Variants in DENND1A observed in about 807,000 individuals in gnomAD.
DENND1A encodes the protein DENN domain-containing protein 1A.
A neutral mutation model predicts 113.7 loss-of-function variants in DENND1A; 51 were observed. The ratio of observed to expected loss-of-function variants is 0.45; its 90% CI spans 0.36 to 0.57. The LOEUF (loss-of-function observed/expected upper bound fraction) is 0.57. DENND1A is among the 20% of genes least tolerant of loss of function. The probability of loss-of-function intolerance (pLI) is 0.00; values close to 1 mark genes in which losing one functional copy is unlikely to be tolerated. For missense variants in DENND1A, 1,258 were observed against 1,395.9 expected (o/e 0.90, Z 1.57); for synonymous variants, 565 against 570.8 (o/e 0.99, Z 0.14).
At chr9:123,383,603 T>A (rs773193510) in intron 23 of DENND1A, 52 bp downstream of exon 23, 39 of 1,578,000 alleles carry the variant, frequency 2.5e-5, no homozygotes, top group Non-Finnish European at 3.2e-5. Flanking sequence ...TCCCACCTCG[T>A]GTGCGGACAG....
At chr9:123,471,720 G>T (rs1458170018) in intron 13 of DENND1A, among the ~76,000 whole-genome samples, 2 of 152,322 alleles carry the variant, frequency 1.3e-5, no homozygotes, top group Admixed American at 1.3e-4. Context: ...CAAGGCCACA[G>T]AGCTGAAGAA....
chr9:123,595,969 A>G (rs963209445), intron 11 of DENND1A, among the ~76,000 whole-genome samples: 11 of 152,112 alleles, frequency 7.2e-5, no homozygotes, highest in African/African-American at 2.7e-4. Context: ...TTTTGTCTCA[A>G]ACTGAAGCAG....
chr9:123,421,453 C>A (rs1038372299), intron 19 of DENND1A, among the ~76,000 whole-genome samples: 2 of 152,106 alleles, frequency 1.3e-5, no homozygotes, highest in Non-Finnish European at 2.9e-5. Flanking sequence ...CGTATCTCCT[C>A]GGGTCCGCTC....
chr9:123,880,750 G>A (rs1387749197), intron 1 of DENND1A, among the ~76,000 whole-genome samples: 1 of 152,088 alleles, frequency 6.6e-6, no homozygotes, highest in African/African-American at 2.4e-5. Flanking sequence ...ACATGGCCAG[G>A]ACCAGAACTC....
chr9:123,898,959 A>G (rs1020067905), intron 1 of DENND1A, among the ~76,000 whole-genome samples: 13 of 152,218 alleles, frequency 8.5e-5, no homozygotes, highest in African/African-American at 1.4e-4. Context: ...ACCCACCATT[A>G]AACCAAATCA....
chr9:123,918,715 C>G (rs1855686272), intron 1 of DENND1A, among the ~76,000 whole-genome samples: 1 of 152,006 alleles, frequency 6.6e-6, no homozygotes, highest in Non-Finnish European at 1.5e-5. Flanking sequence ...TCAGAGCAAC[C>G]AAATGGTTGA....
intron 13 of DENND1A, among the ~76,000 whole-genome samples, chr9:123,495,171 T>TCTCTCTCTCTCTCTCTCTCTCTC: frequency 1.3e-5 from 1 of 76,360 alleles, no homozygotes; most frequent in South Asian, 4.2e-4. Flanking sequence ...CTCTCTCTCT[T>TCTCTCTCTCTCTCTCTCTCTCTC]ATAATGTCTG....
chr9:123,653,489 G>T (rs1227533703), intron 8 of DENND1A, among the ~76,000 whole-genome samples: 8 of 152,190 alleles, frequency 5.3e-5, no homozygotes, highest in Non-Finnish European at 1.2e-4. Flanking sequence ...TTGTTTGAAA[G>T]ATTCACATCT....
chr9:123,593,751 C>T (rs1048007118), intron 11 of DENND1A, among the ~76,000 whole-genome samples: 2 of 152,190 alleles, frequency 1.3e-5, no homozygotes, highest in African/African-American at 4.8e-5. Context: ...ATGACTGTTG[C>T]TGGGTTCCAA....
intron 3 of DENND1A, among the ~76,000 whole-genome samples, chr9:123,791,769 T>C (rs1833022128): frequency 6.6e-6 from 1 of 152,218 alleles, no homozygotes; most frequent in Non-Finnish European, 1.5e-5. Flanking sequence ...GTATTTCACA[T>C]GTGAAAGGTT....
chr9:123,457,655 C>T, intron 14 of DENND1A, 138 bp downstream of exon 14: 1 of 854,426 alleles, frequency 1.2e-6, no homozygotes, highest in Non-Finnish European at 1.8e-6. Context: ...CTCTCTTCAT[C>T]CAATCCCCCT....
chr9:123,714,828 T>G (rs2066869519), intron 5 of DENND1A, among the ~76,000 whole-genome samples: 1 of 152,180 alleles, frequency 6.6e-6, no homozygotes, highest in Non-Finnish European at 1.5e-5. Flanking sequence ...AGGAATATAT[T>G]TCTCCACAGT....
rs1009103351 is a variant in DENND1A at position 123,452,283 on chromosome 9, T to C, written c.1292A>G (p.Tyr431Cys). The C allele has an allele frequency of 6.2e-7, 1 of 1,614,244 alleles. No homozygotes were observed. Among genetic ancestry groups the C allele is most frequent in the East Asian group, 2.2e-5 (1 of 44,894 alleles). The stretch of plus-strand genomic sequence containing the variant: ...AGCAAGACCAGTACTTACGAACTTG[T>C]AGACAGTCTTCATGGCCGGATTTGC... The part of the protein sequence containing the change: ...TKANPAMKTV[Y>C]KFAKDHAKMG... Residue 431 changes from tyrosine to cysteine, a missense_variant, in exon 17 of 24, where the codon TAC becomes TGC. By Grantham distance (194) the Tyr-to-Cys change is radical. Around this residue, in one of 2 missense-constraint regions of DENND1A, gnomAD observed 1,159 missense variants for 1,231.7 expected, o/e 0.94. Transcript: ENST00000394215.
chr9:123,603,213 A>G (rs1012125681), intron 11 of DENND1A, among the ~76,000 whole-genome samples: 6 of 152,274 alleles, frequency 3.9e-5, no homozygotes, highest in African/African-American at 7.2e-5. Context: ...GGAAAAATGA[A>G]AAGAAAAAAC....
chr9:123,468,898 G>A (rs2049170058), intron 13 of DENND1A, among the ~76,000 whole-genome samples: 1 of 152,246 alleles, frequency 6.6e-6, no homozygotes, highest in African/African-American at 2.4e-5. Context: ...CTCGCCAGAA[G>A]GGAGATCTTC....
At chr9:123,798,761 T>C (rs1399377082) in intron 2 of DENND1A, among the ~76,000 whole-genome samples, 2 of 150,944 alleles carry the variant, frequency 1.3e-5, no homozygotes, top group Non-Finnish European at 2.9e-5. Context: ...CAAAAGGATA[T>C]GTTCACTTAC....
chr9:123,901,244 A>C (rs558019312), intron 1 of DENND1A, among the ~76,000 whole-genome samples: 1 of 152,232 alleles, frequency 6.6e-6, no homozygotes, highest in Non-Finnish European at 1.5e-5. Context: ...AATTACAGCC[A>C]TTAAGGTAGG....
intron 13 of DENND1A, among the ~76,000 whole-genome samples, chr9:123,509,725 T>C (rs994658872): frequency 6.6e-6 from 1 of 152,252 alleles, no homozygotes; most frequent in African/African-American, 2.4e-5. Flanking sequence ...AGACCTGTTC[T>C]ATCCATTGTA....
At chr9:123,761,132 T>A (rs1016288078) in intron 4 of DENND1A, among the ~76,000 whole-genome samples, 1 of 152,190 alleles carries the variant, frequency 6.6e-6, no homozygotes, top group Non-Finnish European at 1.5e-5. Flanking sequence ...TTTATTCCTA[T>A]TAAAAATGCT....
Sources: allele counts gnomAD v4.1 joint callset (sites outside exome capture counted in the v4.1 genomes callset), GRCh38; gene constraint gnomAD v4.1.1; regional missense constraint gnomAD v4.1.1; transcripts MANE v1.5; gene names NCBI Gene and HGNC (gene_info 2026-07-23, HGNC 2026-07-21).